Variants in SCAPER observed in about 807,000 individuals in gnomAD.
SCAPER encodes S-phase cyclin A associated protein in the ER.
In SCAPER, 98 loss-of-function variants were observed where a neutral mutation model predicts 182.2. The observed-to-expected ratio is 0.54, with a 90% confidence interval of 0.46 to 0.64. The LOEUF (loss-of-function observed/expected upper bound fraction) is 0.64, where lower values mean the gene tolerates loss of function less well. Among genes scored for constraint, SCAPER ranks in the 30% least tolerant of loss-of-function variants. SCAPER has a pLI of 0.00. For missense variants in SCAPER, 1,432 were observed against 1,690.0 expected (o/e 0.85, Z 2.68); for synonymous variants, 605 against 564.6 (o/e 1.07, Z -1.01).
intron 17 of SCAPER, among the ~76,000 whole-genome samples, chr15:76,719,308 T>A (rs2060064861): frequency 6.6e-6 from 1 of 152,160 alleles, no homozygotes; most frequent in African/African-American, 2.4e-5. Context: ...TATTGCATGA[T>A]CTCACTTATA....
At chr15:76,886,462 A>C (rs111358812) in intron 1 of SCAPER, among the ~76,000 whole-genome samples, 25 of 152,354 alleles carry the variant, frequency 1.6e-4, no homozygotes, top group African/African-American at 6.0e-4. Flanking sequence ...CCTGGGCAAC[A>C]GAGTGAGACT....
At chr15:76,825,596 C>A (rs1385824820) in intron 5 of SCAPER, among the ~76,000 whole-genome samples, 1 of 152,150 alleles carries the variant, frequency 6.6e-6, no homozygotes, top group Non-Finnish European at 1.5e-5. Context: ...CACAGAGGAG[C>A]AAAATTTATT....
chr15:76,659,462 G>T (rs1181443482), intron 21 of SCAPER, among the ~76,000 whole-genome samples: 2 of 152,128 alleles, frequency 1.3e-5, no homozygotes, highest in African/African-American at 4.8e-5. Flanking sequence ...TAGAAACAGG[G>T]TCTTGCTATA....
intron 1 of SCAPER, among the ~76,000 whole-genome samples, chr15:76,902,016 G>C (rs1374799127): frequency 1.3e-5 from 2 of 152,184 alleles, no homozygotes; most frequent in African/African-American, 4.8e-5. Context: ...ACCGTACCCA[G>C]CCTCTAATAA....
At chr15:76,363,678 CAG>C (rs2041608331) in intron 29 of SCAPER, among the ~76,000 whole-genome samples, 1 of 152,108 alleles carries the variant, frequency 6.6e-6, no homozygotes, top group Admixed American at 6.5e-5. Context: ...GTGTCCTTAA[CAG>C]GGGCAAAAAT....
At chr15:76,450,648 G>A (rs2048313459) in intron 25 of SCAPER, among the ~76,000 whole-genome samples, 1 of 152,110 alleles carries the variant, frequency 6.6e-6, no homozygotes, top group Non-Finnish European at 1.5e-5. Context: ...CCACCTCCCT[G>A]GTTCAAACGA....
intron 1 of SCAPER, among the ~76,000 whole-genome samples, chr15:76,899,544 T>G (rs974614649): frequency 9.2e-5 from 14 of 152,180 alleles, no homozygotes; most frequent in Admixed American, 8.5e-4. Context: ...TGCCTTGGCC[T>G]CCCAAAGTGC....
At chr15:76,394,894 T>A (rs2043946104) in intron 27 of SCAPER, among the ~76,000 whole-genome samples, 1 of 152,198 alleles carries the variant, frequency 6.6e-6, no homozygotes, top group African/African-American at 2.4e-5. Flanking sequence ...ATTAAATTAT[T>A]ACTGACTATA....
At chr15:76,504,781 G>A (rs1288933782) in intron 24 of SCAPER, 78 bp downstream of exon 24, 4 of 1,162,532 alleles carry the variant, frequency 3.4e-6, no homozygotes, top group Non-Finnish European at 1.2e-6. Context: ...ATTTTCTTGT[G>A]GTTCTCCATA....
chr15:76,391,332 C>T (rs1325371958), intron 27 of SCAPER, among the ~76,000 whole-genome samples: 2 of 152,154 alleles, frequency 1.3e-5, no homozygotes, highest in Non-Finnish European at 2.9e-5. Flanking sequence ...ATGTCACTAG[C>T]TAAAATAATC....
chr15:76,884,763 T>A (rs1367667249), intron 1 of SCAPER, among the ~76,000 whole-genome samples: 1 of 152,062 alleles, frequency 6.6e-6, no homozygotes, highest in East Asian at 1.9e-4. Flanking sequence ...ACAACCCAAA[T>A]ACCTATCAAC....
intron 27 of SCAPER, among the ~76,000 whole-genome samples, chr15:76,394,196 G>A (rs2043895910): frequency 6.6e-6 from 1 of 152,132 alleles, no homozygotes; most frequent in African/African-American, 2.4e-5. Flanking sequence ...GGAGCAAGTA[G>A]GCCTTATACT....
At chr15:76,765,235 A>T in intron 13 of SCAPER, 102 bp downstream of exon 13, 1 of 1,051,928 alleles carries the variant, frequency 9.5e-7, no homozygotes, top group Admixed American at 2.6e-5. Context: ...ACTGTCCTGA[A>T]GTAATGTGTC....
intron 23 of SCAPER, among the ~76,000 whole-genome samples, chr15:76,547,009 C>G (rs2144857352): frequency 1.3e-5 from 2 of 152,260 alleles, no homozygotes; most frequent in Middle Eastern, 6.8e-3. Flanking sequence ...ATGCAACACA[C>G]ATCCTTGTAC....
intron 24 of SCAPER, chr15:76,472,055 C>T (rs2050221041): frequency 3.6e-6 from 1 of 274,158 alleles, no homozygotes; most frequent in Non-Finnish European, 7.2e-6. Flanking sequence ...CTGCCTGCTG[C>T]TGCATTCCTG....
In SCAPER at chr15:76,434,096, C is replaced by T. The variant is rs771454836; in HGVS notation, c.3293G>A (p.Arg1098Gln). The change falls in exon 26 of 32, where the codon CGA (arginine) becomes CAA (glutamine). Residue 1098 changes from arginine to glutamine, a missense_variant. By Grantham distance (43) the Arg-to-Gln change is conservative. Coordinates refer to ENST00000563290, the MANE Select transcript of SCAPER (RefSeq NM_020843.4). ...ATTTTACCTGATAAGGTCCTGAACTCGATTGTTAAAAGGATCACCTTGTGA... is the reference window on the plus strand; with the variant it reads ...ATTTTACCTGATAAGGTCCTGAACTTGATTGTTAAAAGGATCACCTTGTGA... ...KPSQGDPFNN[R>Q]VQDLISYVVN... The T allele has an allele frequency of 1.2e-5, 20 of 1,613,536 alleles. No individual in the cohort carries two copies. The East Asian group carries it at 1.3e-4, about 11-fold the overall frequency.
At chr15:76,489,024 T>C (rs1171007790) in intron 24 of SCAPER, among the ~76,000 whole-genome samples, 1 of 150,962 alleles carries the variant, frequency 6.6e-6, no homozygotes, top group Non-Finnish European at 1.5e-5. Context: ...CGCCCAGCCA[T>C]CTTGCCTTTT....
intron 5 of SCAPER, among the ~76,000 whole-genome samples, chr15:76,831,930 A>T (rs2068524967): frequency 1.3e-5 from 2 of 152,176 alleles, no homozygotes; most frequent in South Asian, 4.1e-4. Context: ...CTAAACCCAA[A>T]TTATACCACA....
At chr15:76,384,155 A>G (rs2043145283) in intron 27 of SCAPER, among the ~76,000 whole-genome samples, 1 of 152,206 alleles carries the variant, frequency 6.6e-6, no homozygotes, top group Non-Finnish European at 1.5e-5. Flanking sequence ...TGCCTTTTAG[A>G]ACCAGTGACA....
Sources: gnomAD v4.1 joint callset for allele counts (sites outside exome capture counted in the v4.1 genomes callset) on GRCh38, gnomAD v4.1.1 for gene constraint, MANE v1.5 for transcripts, NCBI Gene and HGNC (gene_info 2026-07-23, HGNC 2026-07-21) for gene names.